Variants in KDM4C observed in about 807,000 individuals in gnomAD.
The protein encoded by KDM4C is lysine demethylase 4C.
Under a neutral mutation model 129.3 loss-of-function variants are expected in KDM4C, and 81 were observed. That is an observed-to-expected ratio of 0.63 (90% CI 0.52 to 0.75). The LOEUF (loss-of-function observed/expected upper bound fraction) is 0.75, where lower values mean the gene tolerates loss of function less well. Among genes scored for constraint, KDM4C ranks in the 30% least tolerant of loss-of-function variants. The pLI is 0.00. For synonymous variants in KDM4C, 573 were observed against 456.1 expected (o/e 1.26, Z -3.26); for missense variants, 1,457 against 1,304.0 (o/e 1.12, Z -1.81).
intron 5 of KDM4C, among the ~76,000 whole-genome samples, chr9:6,851,087 C>G (rs1838763298): frequency 6.6e-6 from 1 of 152,178 alleles, no homozygotes; most frequent in African/African-American, 2.4e-5. Context: ...GTCTAGGACT[C>G]ATACAGGCTC....
chr9:6,810,447 AAT>A (rs1830937811), intron 3 of KDM4C, among the ~76,000 whole-genome samples: 1 of 152,246 alleles, frequency 6.6e-6, no homozygotes, highest in Admixed American at 6.5e-5. Context: ...TTATTAACAG[AAT>A]ATACATTTCT....
intron 8 of KDM4C, among the ~76,000 whole-genome samples, chr9:6,975,337 G>A (rs1209211824): frequency 6.6e-6 from 1 of 152,318 alleles, no homozygotes. Context: ...TACAATTTCA[G>A]TTTGGTTATG....
chr9:6,957,558 C>T (rs992116008), intron 8 of KDM4C, among the ~76,000 whole-genome samples: 2 of 151,810 alleles, frequency 1.3e-5, no homozygotes, highest in Non-Finnish European at 1.5e-5. Flanking sequence ...GCGACATTGT[C>T]GGAGAATACT....
intron 1 of KDM4C, among the ~76,000 whole-genome samples, chr9:6,745,740 G>C (rs1817852546): frequency 6.6e-6 from 1 of 152,112 alleles, no homozygotes; most frequent in East Asian, 1.9e-4. Context: ...ACGGGTTCAA[G>C]AGATTCTCCT....
chr9:6,754,720 A>G (rs1468532712), upstream of KDM4C, among the ~76,000 whole-genome samples: 3 of 151,784 alleles, frequency 2.0e-5, no homozygotes, highest in Non-Finnish European at 2.9e-5. Flanking sequence ...ACAAAGAAAT[A>G]AACAAATTAG....
At chr9:6,837,881 A>G (rs767424026) in intron 4 of KDM4C, among the ~76,000 whole-genome samples, 2 of 151,788 alleles carry the variant, frequency 1.3e-5, no homozygotes, top group Non-Finnish European at 2.9e-5. Flanking sequence ...TGTATTTCTC[A>G]TTGTTCCTGG....
At chr9:6,767,282 G>A (rs905757723) in intron 1 of KDM4C, among the ~76,000 whole-genome samples, 3 of 151,612 alleles carry the variant, frequency 2.0e-5, no homozygotes, top group African/African-American at 7.3e-5. Context: ...GGGACTACAG[G>A]CACCCCTCAC....
At chr9:7,038,917 T>A (rs1339313196) in intron 15 of KDM4C, among the ~76,000 whole-genome samples, 1 of 152,090 alleles carries the variant, frequency 6.6e-6, no homozygotes, top group Non-Finnish European at 1.5e-5. Context: ...TTTTTACATA[T>A]TTTTTGTAAC....
intron 3 of KDM4C, among the ~76,000 whole-genome samples, chr9:6,814,027 A>T (rs1417901573): frequency 8.5e-5 from 13 of 152,120 alleles, no homozygotes; most frequent in Non-Finnish European, 1.5e-4. Flanking sequence ...GTTAGGGTGA[A>T]TTTCTACTTT....
chr9:6,995,881 C>A (rs770138287), intron 12 of KDM4C, among the ~76,000 whole-genome samples: 2 of 137,552 alleles, frequency 1.5e-5, no homozygotes, highest in Non-Finnish European at 3.3e-5. Context: ...CTGTGTTAGC[C>A]AGGATGGTCT....
At chr9:6,721,071 T>A in intron 1 of KDM4C, 1 of 1,323,250 alleles carries the variant, frequency 7.6e-7, no homozygotes, top group Non-Finnish European at 1.1e-6. Flanking sequence ...AAAGCAATGT[T>A]AATTTCTTTA....
chr9:6,860,259 C>G (rs1186886136), intron 5 of KDM4C, among the ~76,000 whole-genome samples: 1 of 152,094 alleles, frequency 6.6e-6, no homozygotes, highest in Non-Finnish European at 1.5e-5. Flanking sequence ...TGTTTGCCAC[C>G]TAAGGTTCTT....
At chr9:7,170,082 A>T in intron 21 of KDM4C, 192 bp downstream of exon 21, 1 of 1,490,008 alleles carries the variant, frequency 6.7e-7, no homozygotes, top group Non-Finnish European at 9.0e-7. Context: ...AAATTAATGC[A>T]TGTGCTTTAC....
At position 6,945,334 on chromosome 9, in the gene KDM4C, C is replaced by T. The variant is rs901405438; in HGVS notation, c.922-35591C>T. ...GAAACAATTAACTAAACCAATTTTA[C>T]CTGTCACCCTGGTTGTGAAAATGTA... On this transcript the variant is annotated intron_variant, in intron 8 of 21. Transcript: ENST00000381309. Among the ~76,000 whole-genome samples the T allele has an allele frequency of 2.6e-5, 4 of 152,142 alleles. No homozygotes were observed. In the East Asian group the frequency reaches 7.7e-4, roughly 29 times the overall value.
chr9:6,760,673 C>G (rs556557011), intron 1 of KDM4C, among the ~76,000 whole-genome samples: 1 of 152,024 alleles, frequency 6.6e-6, no homozygotes, highest in Non-Finnish European at 1.5e-5. Flanking sequence ...TGGGTTCACA[C>G]CATTCTCCTG....
intron 19 of KDM4C, among the ~76,000 whole-genome samples, chr9:7,162,029 A>G (rs1345464801): frequency 6.6e-6 from 1 of 152,228 alleles, no homozygotes; most frequent in African/African-American, 2.4e-5. Context: ...GTAGCTAAGG[A>G]GTAAATACTG....
At chr9:6,930,438 T>TA in intron 8 of KDM4C, among the ~76,000 whole-genome samples, 1 of 141,514 alleles carries the variant, frequency 7.1e-6, no homozygotes, top group Non-Finnish European at 1.6e-5. Context: ...GGCAGTTATT[T>TA]AAAAATGTCT....
intron 3 of KDM4C, among the ~76,000 whole-genome samples, chr9:6,810,769 G>A (rs748447504): frequency 3.3e-5 from 5 of 152,066 alleles, no homozygotes; most frequent in Non-Finnish European, 7.4e-5. Flanking sequence ...TACTCGGGAG[G>A]CTGAGGCAGG....
intron 8 of KDM4C, among the ~76,000 whole-genome samples, chr9:6,962,811 A>T (rs1344390361): frequency 6.6e-6 from 1 of 152,186 alleles, no homozygotes; most frequent in Non-Finnish European, 1.5e-5. Context: ...TTAAAATCTC[A>T]TGTAATTACT....
Sources: gnomAD v4.1 joint callset for allele counts (sites outside exome capture counted in the v4.1 genomes callset) on GRCh38, gnomAD v4.1.1 for gene constraint, MANE v1.5 for transcripts, NCBI Gene and HGNC (gene_info 2026-07-23, HGNC 2026-07-21) for gene names.